The following CDH20 variants were observed in gnomAD, a reference collection of about 807,000 sequenced individuals.
CDH20 encodes the protein cadherin 20.
A neutral mutation model predicts 74.2 loss-of-function variants in CDH20; 29 were observed. That is an observed-to-expected ratio of 0.39 (90% CI 0.29 to 0.53). The LOEUF (loss-of-function observed/expected upper bound fraction) is 0.53, where lower values mean the gene tolerates loss of function less well. Ranked by LOEUF, CDH20 falls within the 20% of genes least tolerant of loss-of-function variation. CDH20 has a pLI of 0.69. For missense variants in CDH20, 988 were observed against 1,048.3 expected (o/e 0.94, Z 0.79); for synonymous variants, 469 against 405.4 (o/e 1.16, Z -1.88).
intron 2 of CDH20, among the ~76,000 whole-genome samples, chr18:61,495,030 T>C (rs674441): frequency 0.1 from 15,591 of 152,204 alleles, 873 homozygotes; most frequent in Admixed American, 0.13. Context: ...TCTTAAAAAC[T>C]AAAGAATGAT....
At chr18:61,516,095 C>T (rs542296294) in intron 6 of CDH20, among the ~76,000 whole-genome samples, 9 of 152,292 alleles carry the variant, frequency 5.9e-5, no homozygotes, top group Non-Finnish European at 1.0e-4. Flanking sequence ...CTCCCTTTGA[C>T]ACTAGGGCAC....
intron 4 of CDH20, among the ~76,000 whole-genome samples, chr18:61,500,876 G>A (rs887981058): frequency 6.6e-6 from 1 of 152,190 alleles, no homozygotes; most frequent in Non-Finnish European, 1.5e-5. Flanking sequence ...AGAACTAGAA[G>A]CATTGATTGT....
intron 1 of CDH20, among the ~76,000 whole-genome samples, chr18:61,468,333 ATGGCCC>A (rs1170231615): frequency 6.6e-6 from 1 of 152,132 alleles, no homozygotes; most frequent in Non-Finnish European, 1.5e-5. Flanking sequence ...ATTTTTCTTT[ATGGCCC>A]CAAAAGATTC....
chr18:61,461,079 T>C (rs1458770037), intron 1 of CDH20, among the ~76,000 whole-genome samples: 1 of 152,066 alleles, frequency 6.6e-6, no homozygotes, highest in Non-Finnish European at 1.5e-5. Flanking sequence ...TGTGAAAAGG[T>C]AAATTTGAGT....
chr18:61,518,706 CTCT>C (rs1443553123), intron 6 of CDH20, among the ~76,000 whole-genome samples: 1 of 151,234 alleles, frequency 6.6e-6, no homozygotes, highest in Admixed American at 6.6e-5. Flanking sequence ...ACCAGAATGC[CTCT>C]TCTTCTCCAA....
chr18:61,492,939 T>C (rs568247464), intron 2 of CDH20, among the ~76,000 whole-genome samples: 8 of 152,318 alleles, frequency 5.3e-5, no homozygotes, highest in African/African-American at 1.9e-4. Context: ...GGAGTAAGGA[T>C]TAAATAAGCT....
At chr18:61,424,904 C>T (rs1913014878) in intron 1 of CDH20, among the ~76,000 whole-genome samples, 1 of 152,140 alleles carries the variant, frequency 6.6e-6, no homozygotes, top group African/African-American at 2.4e-5. Flanking sequence ...AATTTTTTAA[C>T]TAGAGAGAAA....
intron 6 of CDH20, among the ~76,000 whole-genome samples, chr18:61,517,742 G>A (rs1316256115): frequency 5.9e-5 from 9 of 151,862 alleles, no homozygotes; most frequent in African/African-American, 1.2e-4. Context: ...TTTACCCCCA[G>A]TGGCACCTGG....
chr18:61,413,918 A>G (rs1462228769), intron 1 of CDH20, among the ~76,000 whole-genome samples: 1 of 152,194 alleles, frequency 6.6e-6, no homozygotes, highest in African/African-American at 2.4e-5. Flanking sequence ...AATATAATGC[A>G]GTATGCATTA....
intron 1 of CDH20, among the ~76,000 whole-genome samples, chr18:61,473,396 A>T (rs923317237): frequency 6.6e-6 from 1 of 152,150 alleles, no homozygotes; most frequent in African/African-American, 2.4e-5. Context: ...TTTCCTTATT[A>T]TGGATTAAAG....
At chr18:61,551,540 T>C (rs1913433104) in intron 11 of CDH20, among the ~76,000 whole-genome samples, 2 of 152,352 alleles carry the variant, frequency 1.3e-5, no homozygotes, top group South Asian at 4.1e-4. Flanking sequence ...TGTGGTTTAA[T>C]TTTGTTGTTT....
chr18:61,496,963 C>T (rs1176615085), intron 2 of CDH20, among the ~76,000 whole-genome samples: 2 of 151,930 alleles, frequency 1.3e-5, no homozygotes, highest in Admixed American at 1.3e-4. Context: ...TGCCTGAGAA[C>T]ACAGGTCCAA....
intron 6 of CDH20, among the ~76,000 whole-genome samples, chr18:61,526,023 C>T (rs1322792294): frequency 8.1e-6 from 1 of 124,208 alleles, no homozygotes; most frequent in African/African-American, 3.1e-5. Context: ...GTTGTCTTGG[C>T]TGGTCTTGAA....
chr18:61,502,955 G>A lies in CDH20; in HGVS notation c.664G>A (p.Val222Ile), dbSNP rs746386894. The change falls in exon 5 of 12, where the codon GTA becomes ATA. Residue 222 changes from valine to isoleucine, a missense_variant and splice_region_variant. This residue lies in a region of CDH20 where 613 missense variants were observed against 755.2 expected (regional missense o/e 0.81). Transcript: ENST00000262717. ...PYFSVDSKTG[V>I]IRTALMNMDR... The stretch of plus-strand genomic sequence containing the variant: ...ACAAAGTCATTTCTATCCTCCAGGT[G>A]TAATTAGGACAGCGCTCATGAACAT... The A allele has an allele frequency of 5.0e-6, 8 of 1,599,242 alleles. No homozygotes were observed. The highest frequency in any genetic ancestry group is 4.3e-6 in the Non-Finnish European group (5 of 1,174,976).
intron 1 of CDH20, among the ~76,000 whole-genome samples, chr18:61,386,335 T>C (rs117697508): frequency 1.3e-5 from 2 of 152,296 alleles, no homozygotes; most frequent in East Asian, 3.9e-4. Context: ...AGTGCCCTTT[T>C]TAAAAAAGGC....
At chr18:61,404,368 A>G (rs1426396946) in intron 1 of CDH20, among the ~76,000 whole-genome samples, 1 of 152,192 alleles carries the variant, frequency 6.6e-6, no homozygotes, top group African/African-American at 2.4e-5. Context: ...AATTTTAAAT[A>G]TTTGTTTTGA....
chr18:61,461,328 TA>T (rs33964985), intron 1 of CDH20, among the ~76,000 whole-genome samples: 31,191 of 129,348 alleles, frequency 0.24, 3,527 homozygotes, highest in Middle Eastern at 0.3. Flanking sequence ...CTGGGTGACT[TA>T]AAAAAAAAAA....
intron 1 of CDH20, among the ~76,000 whole-genome samples, chr18:61,354,625 T>C (rs1448533721): frequency 6.8e-6 from 1 of 146,098 alleles, no homozygotes; most frequent in African/African-American, 2.4e-5. Flanking sequence ...AATAAATAAA[T>C]AAAACCCCTA....
At chr18:61,412,536 A>C (rs1274002951) in intron 1 of CDH20, among the ~76,000 whole-genome samples, 1 of 152,238 alleles carries the variant, frequency 6.6e-6, no homozygotes, top group Non-Finnish European at 1.5e-5. Context: ...TTTGTTTATA[A>C]TAAATAGAAA....
Sources: allele counts gnomAD v4.1 joint callset (sites outside exome capture counted in the v4.1 genomes callset), GRCh38; gene constraint gnomAD v4.1.1; regional missense constraint gnomAD v4.1.1; transcripts MANE v1.5; gene names NCBI Gene and HGNC (gene_info 2026-07-23, HGNC 2026-07-21).